The following DAP variants were observed in gnomAD, a reference collection of about 807,000 sequenced individuals.
The protein encoded by DAP is death-associated protein 1.
A neutral mutation model predicts 13.8 loss-of-function variants in DAP; 8 were observed. The ratio of observed to expected loss-of-function variants is 0.58; its 90% CI spans 0.34 to 1.05. The LOEUF (loss-of-function observed/expected upper bound fraction) is 1.05, where lower values mean the gene tolerates loss of function less well. Ranked by LOEUF, DAP falls within the 50% of genes least tolerant of loss-of-function variation. The probability of loss-of-function intolerance (pLI) is 0.03; values close to 1 mark genes in which losing one functional copy is unlikely to be tolerated. For missense variants in DAP, 106 were observed against 133.2 expected (o/e 0.80, Z 1.01); for synonymous variants, 47 against 47.5 (o/e 0.99, Z 0.04).
intron 2 of DAP, among the ~76,000 whole-genome samples, chr5:10,691,981 T>C (rs1232734660): frequency 3.9e-5 from 6 of 152,218 alleles, no homozygotes; most frequent in Admixed American, 6.5e-5. Flanking sequence ...TTATACCTTA[T>C]TGGCATTCTG....
At chr5:10,736,112 G>A (rs1378868556) in intron 2 of DAP, among the ~76,000 whole-genome samples, 3 of 152,220 alleles carry the variant, frequency 2.0e-5, no homozygotes, top group Non-Finnish European at 4.4e-5. Context: ...GCTGCCACCA[G>A]CCAAGCACTA....
intron 2 of DAP, among the ~76,000 whole-genome samples, chr5:10,738,267 A>G (rs1235233128): frequency 1.3e-5 from 2 of 152,278 alleles, no homozygotes; most frequent in East Asian, 1.9e-4. Flanking sequence ...TGCTGAAAGT[A>G]GCAGGCAAAA....
At chr5:10,750,219 C>A (rs935599120) in intron 1 of DAP, among the ~76,000 whole-genome samples, 2 of 152,120 alleles carry the variant, frequency 1.3e-5, no homozygotes, top group Admixed American at 6.5e-5. Context: ...GTCACGAAAA[C>A]CCAGGCCAAC....
intron 1 of DAP, among the ~76,000 whole-genome samples, chr5:10,757,305 G>A (rs1281219727): frequency 2.0e-5 from 3 of 151,296 alleles, no homozygotes; most frequent in Non-Finnish European, 2.9e-5. Flanking sequence ...CGAAATATTC[G>A]CTCTTCTTGC....
intron 2 of DAP, 23 bp from the exon 3 acceptor site, chr5:10,683,594 G>A: frequency 1.9e-6 from 3 of 1,613,182 alleles, no homozygotes; most frequent in East Asian, 4.5e-5. Context: ...AAGGGAAAAG[G>A]CAGATTTAAC....
intron 2 of DAP, among the ~76,000 whole-genome samples, chr5:10,715,821 G>C (rs1002755507): frequency 5.3e-5 from 8 of 152,222 alleles, no homozygotes; most frequent in Non-Finnish European, 1.2e-4. Flanking sequence ...ATTCCAACAA[G>C]GAGCTGGCAC....
At chr5:10,705,303 G>A (rs770383782) in intron 2 of DAP, among the ~76,000 whole-genome samples, 9 of 152,250 alleles carry the variant, frequency 5.9e-5, no homozygotes, top group Non-Finnish European at 1.3e-4. Context: ...AGAGGTGAAG[G>A]TGGTTTACAC....
At chr5:10,740,295 C>T (rs1301508632) in intron 2 of DAP, among the ~76,000 whole-genome samples, 1 of 152,068 alleles carries the variant, frequency 6.6e-6, no homozygotes, top group East Asian at 1.9e-4. Flanking sequence ...GCATCCGAGG[C>T]CTGTGAACAT....
chr5:10,722,251 A>G (rs1739160372), intron 2 of DAP, among the ~76,000 whole-genome samples: 1 of 152,180 alleles, frequency 6.6e-6, no homozygotes, highest in South Asian at 2.1e-4. Context: ...TCTGGTGGGC[A>G]CCATCTAATC....
At chr5:10,686,166 A>G (rs970604976) in intron 2 of DAP, among the ~76,000 whole-genome samples, 5 of 152,120 alleles carry the variant, frequency 3.3e-5, no homozygotes, top group African/African-American at 1.2e-4. Context: ...AAACTTAATC[A>G]ATACTTGTCA....
chr5:10,756,604 G>GA (rs1237314070), intron 1 of DAP, among the ~76,000 whole-genome samples: 1 of 152,146 alleles, frequency 6.6e-6, no homozygotes, highest in Non-Finnish European at 1.5e-5. Flanking sequence ...GCTTTTCAAA[G>GA]AAAACCACAT....
intron 2 of DAP, among the ~76,000 whole-genome samples, chr5:10,694,440 C>G (rs1019994594): frequency 2.0e-5 from 3 of 152,078 alleles, no homozygotes; most frequent in Non-Finnish European, 4.4e-5. Flanking sequence ...GCAACAGATT[C>G]TAAACAGGGT....
intron 2 of DAP, among the ~76,000 whole-genome samples, chr5:10,742,640 C>T (rs945645618): frequency 1.3e-5 from 2 of 152,128 alleles, no homozygotes; most frequent in Non-Finnish European, 2.9e-5. Flanking sequence ...TGCCCCAAAC[C>T]TTTCTGGAGA....
At chr5:10,704,140 C>T (rs762582260) in intron 2 of DAP, among the ~76,000 whole-genome samples, 3 of 152,126 alleles carry the variant, frequency 2.0e-5, no homozygotes, top group African/African-American at 4.8e-5. Flanking sequence ...CTTGGGGCTA[C>T]ATAGGTTTCA....
intron 2 of DAP, among the ~76,000 whole-genome samples, chr5:10,683,782 A>G (rs1738091462): frequency 6.6e-6 from 1 of 152,136 alleles, no homozygotes; most frequent in African/African-American, 2.4e-5. Context: ...CAAGTACGAG[A>G]GAGAAACAGA....
intron 2 of DAP, among the ~76,000 whole-genome samples, chr5:10,689,046 G>A: frequency 6.6e-6 from 1 of 152,210 alleles, no homozygotes; most frequent in East Asian, 1.9e-4. Flanking sequence ...GTGCTCCTCA[G>A]AGGTGCTGTC....
chr5:10,711,519 C>T (rs1008001545), intron 2 of DAP, among the ~76,000 whole-genome samples: 1 of 152,200 alleles, frequency 6.6e-6, no homozygotes, highest in African/African-American at 2.4e-5. Flanking sequence ...CTACCTCCAG[C>T]GTTTATGCTC....
chr5:10,680,720 T>C lies in DAP; in HGVS notation c.*336A>G. 1 of 1,535,016 alleles carries C rather than the reference T, an allele frequency of 6.5e-7. No homozygotes were observed. Among genetic ancestry groups the C allele is most frequent in the East Asian group, 2.4e-5 (1 of 41,032 alleles). On this transcript the variant is annotated 3_prime_UTR_variant, in exon 4 of 4. Coordinates refer to ENST00000230895, the MANE Select transcript of DAP (RefSeq NM_004394.3). The stretch of plus-strand genomic sequence containing the variant: ...AATCTCATCTTCTCAAATGTGTGCC[T>C]TCTTGTTTTTAAGACCATAGACAAG...
At chr5:10,708,611 G>T (rs1561015569) in intron 2 of DAP, among the ~76,000 whole-genome samples, 1 of 152,180 alleles carries the variant, frequency 6.6e-6, no homozygotes, top group East Asian at 1.9e-4. Flanking sequence ...ATAGCGTACA[G>T]TGTGAAAAGC....
Sources: gnomAD v4.1 joint callset for allele counts (sites outside exome capture counted in the v4.1 genomes callset) on GRCh38, gnomAD v4.1.1 for gene constraint, MANE v1.5 for transcripts, NCBI Gene and HGNC (gene_info 2026-07-23, HGNC 2026-07-21) for gene names.